Variants in DENND4A observed in about 807,000 individuals in gnomAD.
The protein encoded by DENND4A is DENN domain containing 4A, also known as C-myc promoter-binding protein.
DENND4A carries 70 observed loss-of-function variants against 199.3 expected under a neutral mutation model. The observed-to-expected ratio is 0.35, with a 90% confidence interval of 0.29 to 0.43. The LOEUF (loss-of-function observed/expected upper bound fraction) is 0.43. Among genes scored for constraint, DENND4A ranks in the 20% least tolerant of loss-of-function variants. The pLI is 1.00. For synonymous variants in DENND4A, 686 were observed against 766.9 expected, an observed-to-expected ratio of 0.89 and a Z score of 1.74; for missense variants, 1,723 against 2,255.8, an observed-to-expected ratio of 0.76 and a Z score of 4.78.
At position 65,785,754 on chromosome 15, in the gene DENND4A, A is replaced by G. The variant is rs552744147; in HGVS notation, c.-102+6256T>C. ...ATGGTCTCAGAAAAGGAGCATAACTAAACATACTTGGAGAAAGTACATTGG... is the reference window on the plus strand; with the variant it reads ...ATGGTCTCAGAAAAGGAGCATAACTGAACATACTTGGAGAAAGTACATTGG... On this transcript the variant is annotated intron_variant, in intron 1 of 32. Transcript: ENST00000443035. 5.3e-5 allele frequency among the ~76,000 whole-genome samples: 8 copies of G among 152,236 alleles called. No individual in the cohort carries two copies. The East Asian group carries it at 1.3e-3, about 26-fold the overall frequency.
At chr15:65,683,206 C>T (rs188931526) in intron 23 of DENND4A, among the ~76,000 whole-genome samples, 9 of 152,280 alleles carry the variant, frequency 5.9e-5, no homozygotes, top group East Asian at 1.9e-4. Context: ...GACCTGCCTA[C>T]GCTAGGCTTT....
rs2075042428 is a variant in DENND4A at position 65,706,150 on chromosome 15, A to G, written c.2028T>C (p.Phe676=). ...GGTGGGGGATCTCAGGTGGTGTTAC[A>G]AAAACAGTGTGTTCACTTTTGAAAG... ...DESFKSEHTV[F]VTPPEIPHLP... The change falls in exon 15 of 33, where the codon TTT becomes TTC. Residue 676 remains phenylalanine (F), a synonymous_variant. Transcript: ENST00000443035. The G allele has an allele frequency of 6.2e-7, 1 of 1,608,398 alleles. No homozygotes were observed. The highest frequency in any genetic ancestry group is 8.5e-7 in the Non-Finnish European group (1 of 1,177,394).
chr15:65,660,115 G>A lies in DENND4A; in HGVS notation c.*1736C>T. On this transcript the variant is annotated 3_prime_UTR_variant, in exon 33 of 33. Coordinates refer to ENST00000443035, the MANE Select transcript of DENND4A (RefSeq NM_001320835.1). ...ATGATTTAAAGAACATGAAGAACAA[G>A]TAGAACATGAAGCTTGGATCTGAAT... is the stretch of plus-strand genomic sequence containing the variant. 1 of 542,816 alleles carries A rather than the reference G, an allele frequency of 1.8e-6. No homozygotes were observed. Among genetic ancestry groups the A allele is most frequent in the Non-Finnish European group, 3.3e-6 (1 of 307,092 alleles). The allele number at this position is 542,816 out of a possible 1,614,324, so 33.6% of individuals were successfully genotyped here. A position where few individuals can be genotyped will look rare whatever the true frequency, so the allele number is the denominator to read the frequency against.
At chr15:65,744,459 T>C (rs2076335803) in intron 4 of DENND4A, among the ~76,000 whole-genome samples, 1 of 152,110 alleles carries the variant, frequency 6.6e-6, no homozygotes, top group Non-Finnish European at 1.5e-5. Flanking sequence ...CATGGCACAC[T>C]TCCTCACCTC....
intron 12 of DENND4A, 63 bp downstream of exon 12, chr15:65,722,785 G>T: frequency 1.6e-6 from 2 of 1,243,306 alleles, no homozygotes; most frequent in Non-Finnish European, 2.2e-6. Flanking sequence ...TATAAGTAAG[G>T]CAAAGTAATT....
At chr15:65,756,004 G>A (rs759251460) in intron 3 of DENND4A, 136 bp downstream of exon 3, 84 of 767,064 alleles carry the variant, frequency 1.1e-4, no homozygotes, top group Non-Finnish European at 1.5e-4. Context: ...GAGAATACAG[G>A]TTTCTGAATA....
At chr15:65,720,851 C>T (rs1045002125) in intron 12 of DENND4A, among the ~76,000 whole-genome samples, 4 of 149,784 alleles carry the variant, frequency 2.7e-5, no homozygotes, top group East Asian at 1.9e-4. Context: ...AGCTATAAAG[C>T]GTTAGAGTCC....
At position 65,717,955 on chromosome 15, in the gene DENND4A, T is replaced by C. The variant is rs1173332822; in HGVS notation, c.1630A>G (p.Ile544Val). The C allele has an allele frequency of 6.2e-7, 1 of 1,608,202 alleles. No individual in the cohort carries two copies. The highest frequency in any genetic ancestry group is 1.3e-5 in the African/African-American group (1 of 74,898). ...PRDDGLMDLA[I>V]NDYDFNSGKR... The stretch of plus-strand genomic sequence containing the variant: ...CCAGAATTAAAATCATAGTCATTTA[T>C]TGCTAAATCCATGAGTCCATCATCT... The change falls in exon 13 of 33, where the codon ATA becomes GTA. Residue 544 changes from isoleucine (I) to valine (V), a missense_variant. Physicochemically the swap from Ile to Val is conservative, Grantham distance 29. This residue lies in a region of DENND4A where 725 missense variants were observed against 952.9 expected (regional missense o/e 0.76). Transcript: ENST00000443035.
At position 65,670,425 on chromosome 15, in the gene DENND4A, A is replaced by G. The variant is rs1176398341; in HGVS notation, c.4465-237T>C. The stretch of plus-strand genomic sequence containing the variant: ...TAAGTGAGGATTTTTTTCATTATAA[A>G]TCAGAGTAAAATGTGCTGTGGTTTT... On this transcript the variant is annotated intron_variant, in intron 25 of 32. Coordinates refer to ENST00000443035, the MANE Select transcript of DENND4A (RefSeq NM_001320835.1). Among the ~76,000 whole-genome samples, 3 of 152,212 alleles carry G rather than the reference A, an allele frequency of 2.0e-5. No individual in the cohort carries two copies. In the East Asian group the frequency reaches 5.8e-4, roughly 29 times the overall value.
rs181284895 is a variant in DENND4A at position 65,776,749 on chromosome 15, T to C, written c.-102+15261A>G. 3.9e-5 allele frequency among the ~76,000 whole-genome samples: 6 copies of C among 152,278 alleles called. No homozygotes were observed. In the East Asian group the frequency reaches 7.7e-4, roughly 20 times the overall value. On this transcript the variant is annotated intron_variant, in intron 1 of 32. Coordinates refer to ENST00000443035, the MANE Select transcript of DENND4A (RefSeq NM_001320835.1). ...ATGAAATCACAGAACCATGAGCGAA[T>C]ATATGAATTTAAGAGTTAGAAGACA... is the stretch of plus-strand genomic sequence containing the variant.
intron 23 of DENND4A, among the ~76,000 whole-genome samples, chr15:65,676,911 G>A (rs1212033765): frequency 6.6e-6 from 1 of 152,114 alleles, no homozygotes; most frequent in Non-Finnish European, 1.5e-5. Flanking sequence ...TCCATTTATT[G>A]ATAATTTTCC....
chr15:65,721,273 ATTTG>A (rs1211107387), intron 12 of DENND4A, among the ~76,000 whole-genome samples: 2 of 151,900 alleles, frequency 1.3e-5, no homozygotes, highest in African/African-American at 4.8e-5. Flanking sequence ...GTTTTATGTA[ATTTG>A]TTTAATATCC....
At chr15:65,762,084 C>A (rs1325582680) in intron 1 of DENND4A, among the ~76,000 whole-genome samples, 1 of 152,012 alleles carries the variant, frequency 6.6e-6, no homozygotes, top group African/African-American at 2.4e-5. Flanking sequence ...CTCGGCTCAC[C>A]GCAACCTCCA....
chr15:65,695,307 G>A (rs1323989039), intron 22 of DENND4A, among the ~76,000 whole-genome samples: 1 of 152,158 alleles, frequency 6.6e-6, no homozygotes, highest in Non-Finnish European at 1.5e-5. Context: ...AACAGCCAGA[G>A]ATAATACGTA....
In DENND4A at chr15:65,660,179, G is replaced by A; in HGVS notation, c.*1672C>T. ...ATTGGAGTGGTATTTACAAAGGAGA[G>A]GCAGATATATGTGCCTAGCACCAGA... On this transcript the variant is annotated 3_prime_UTR_variant, in exon 33 of 33. Coordinates refer to ENST00000443035, the MANE Select transcript of DENND4A (RefSeq NM_001320835.1). 1.3e-6 allele frequency: 1 copy of A among 751,252 alleles called. No homozygotes were observed. The highest frequency in any genetic ancestry group is 2.3e-6 in the Non-Finnish European group (1 of 440,392). 46.5% of individuals were successfully genotyped at this position (751,252 alleles called of 1,614,324 possible). A position where few individuals can be genotyped will look rare whatever the true frequency, so the allele number is the denominator to read the frequency against.
chr15:65,714,764 C>T (rs1200527791), intron 14 of DENND4A, among the ~76,000 whole-genome samples: 2 of 152,178 alleles, frequency 1.3e-5, no homozygotes, highest in Non-Finnish European at 2.9e-5. Context: ...GCAGTCTGCC[C>T]CTGAACATGG....
At position 65,702,380 on chromosome 15, in the gene DENND4A, T is replaced by G; in HGVS notation, c.2355A>C (p.Ser785=). The change falls in exon 17 of 33, where the codon TCA becomes TCC. Residue 785 remains serine (S), a synonymous_variant. Transcript: ENST00000443035. ...ATGCTGTTTTCAGAGCCCTGACTTT[T>G]GAATGACAGACTTTCACATAAGCTG... is the stretch of plus-strand genomic sequence containing the variant. ...CLPAYVKVCH[S]KVRALKTAYD... is the part of the protein sequence containing the mutation. 1 of 1,557,948 alleles carries G rather than the reference T, an allele frequency of 6.4e-7. No homozygotes were observed. The highest frequency in any genetic ancestry group is 1.2e-5 in the South Asian group (1 of 84,262).
At chr15:65,725,123 G>A (rs2075763263) in intron 11 of DENND4A, among the ~76,000 whole-genome samples, 1 of 151,932 alleles carries the variant, frequency 6.6e-6, no homozygotes, top group South Asian at 2.1e-4. Context: ...CTTGAGTTTG[G>A]TCTATGATCA....
At chr15:65,774,048 A>C (rs902356805) in intron 1 of DENND4A, among the ~76,000 whole-genome samples, 2 of 152,210 alleles carry the variant, frequency 1.3e-5, no homozygotes, top group African/African-American at 2.4e-5. Flanking sequence ...TTTTATGAAG[A>C]AAAATACTGA....
Sources: gnomAD v4.1 joint callset for allele counts (sites outside exome capture counted in the v4.1 genomes callset) on GRCh38, gnomAD v4.1.1 for gene constraint, gnomAD v4.1.1 regional missense constraint, MANE v1.5 for transcripts, NCBI Gene and HGNC (gene_info 2026-07-23, HGNC 2026-07-21) for gene names.